PRCP: variants seen among roughly 807,000 people sequenced by gnomAD.
The protein encoded by PRCP is lysosomal Pro-X carboxypeptidase.
PRCP carries 46 observed loss-of-function variants against 54.2 expected under a neutral mutation model. That is an observed-to-expected ratio of 0.85 (90% CI 0.67 to 1.09). The LOEUF (loss-of-function observed/expected upper bound fraction) is 1.09, where lower values mean the gene tolerates loss of function less well. Among genes scored for constraint, PRCP ranks in the 50% least tolerant of loss-of-function variants. The pLI, the probability that PRCP is intolerant of heterozygous loss-of-function variation, is 0.00. For missense variants in PRCP, 613 were observed against 596.8 expected, an observed-to-expected ratio of 1.03 and a Z score of -0.28; for synonymous variants, 240 against 212.2, an observed-to-expected ratio of 1.13 and a Z score of -1.14.
At chr11:82,847,896 T>C (rs1209275550) in intron 6 of PRCP, among the ~76,000 whole-genome samples, 2 of 152,292 alleles carry the variant, frequency 1.3e-5, no homozygotes, top group East Asian at 3.9e-4. Flanking sequence ...GCCAGGCCTA[T>C]TGATTTAGGT....
intron 1 of PRCP, among the ~76,000 whole-genome samples, chr11:82,882,922 G>A (rs7107524): frequency 6.6e-6 from 1 of 151,610 alleles, no homozygotes; most frequent in Non-Finnish European, 1.5e-5. Flanking sequence ...CCTAAAGAAC[G>A]ATGATACTTC....
rs527289390 is a variant in PRCP, at chr11:82,873,355, TATAAC to T, written c.169-13243_169-13239del. Among the ~76,000 whole-genome samples the T allele has an allele frequency of 2.8e-4, 43 of 152,328 alleles. No homozygotes were observed. In the South Asian group the frequency reaches 4.8e-3, roughly 17 times the overall value. On this transcript the variant is annotated intron_variant, in intron 1 of 8. Coordinates refer to ENST00000313010, the MANE Select transcript of PRCP (RefSeq NM_005040.4). ...GCTGTAGTCACCACTATAGCCCACT[TATAAC>T]AGATTCTGCAGTGGCCCTGACTGTG...
chr11:82,845,823 T>C (rs962419125), intron 6 of PRCP: 4 of 152,246 alleles, frequency 2.6e-5, no homozygotes, highest in African/African-American at 9.6e-5. Context: ...AACAGTCAAA[T>C]GACAGAGGGG....
intron 6 of PRCP, among the ~76,000 whole-genome samples, chr11:82,842,462 C>T (rs902985357): frequency 3.3e-5 from 5 of 152,018 alleles, no homozygotes; most frequent in East Asian, 1.9e-4. Flanking sequence ...CGAAGGGCAC[C>T]GACCAACATT....
chr11:82,841,818 A>G (rs1858679574), intron 6 of PRCP, among the ~76,000 whole-genome samples: 1 of 152,212 alleles, frequency 6.6e-6, no homozygotes, highest in African/African-American at 2.4e-5. Flanking sequence ...CATTCCTAGG[A>G]AATATGTCAA....
At chr11:82,892,660 C>A (rs1860030571) in intron 1 of PRCP, among the ~76,000 whole-genome samples, 1 of 152,106 alleles carries the variant, frequency 6.6e-6, no homozygotes, top group African/African-American at 2.4e-5. Context: ...TTATCATGTG[C>A]TTTAATGTAC....
chr11:82,848,905 G>T, intron 6 of PRCP, 144 bp downstream of exon 6: 2 of 772,344 alleles, frequency 2.6e-6, no homozygotes, highest in Non-Finnish European at 4.0e-6. Context: ...TCAGAAAGTA[G>T]CAGAACCCAG....
chr11:82,861,256 A>T (rs1428532884), intron 1 of PRCP, among the ~76,000 whole-genome samples: 1 of 152,200 alleles, frequency 6.6e-6, no homozygotes, highest in African/African-American at 2.4e-5. Flanking sequence ...AATAAAGAAG[A>T]GCTGTGTTTA....
upstream of PRCP, chr11:82,900,549 G>A: frequency 8.7e-7 from 1 of 1,146,698 alleles, no homozygotes; most frequent in East Asian, 2.6e-5. Flanking sequence ...GCTCCTCAGA[G>A]ACGCCGCCCA....
chr11:82,874,509 G>T (rs1371369701), intron 1 of PRCP, among the ~76,000 whole-genome samples: 1 of 151,728 alleles, frequency 6.6e-6, no homozygotes, highest in Admixed American at 6.6e-5. Flanking sequence ...TGGGCAACAT[G>T]GCAAAACCCC....
intron 1 of PRCP, among the ~76,000 whole-genome samples, chr11:82,867,323 G>A (rs962099503): frequency 4.6e-5 from 7 of 152,170 alleles, no homozygotes; most frequent in Admixed American, 2.0e-4. Context: ...AAGAACTCCT[G>A]GGCCCAGAGG....
Position 82,825,123 on chromosome 11 carries a change from C to T in PRCP, c.1275-1G>A, listed in dbSNP as rs1858193522. 35 of 1,610,784 alleles carry T rather than the reference C, an allele frequency of 2.2e-5. No homozygotes were observed. The highest frequency in any genetic ancestry group is 3.0e-5 in the Non-Finnish European group (35 of 1,178,482). On this transcript the variant is annotated splice_acceptor_variant, in intron 8 of 8. Transcript: ENST00000313010. LOFTEE classifies it high-confidence loss of function. ...TGACCAGGGGTCTAGTTCACCATTG[C>T]TGCAAGTGAAAAAAAGAAGAAAAAA...
chr11:82,866,955 C>A (rs1357340482), intron 1 of PRCP, among the ~76,000 whole-genome samples: 1 of 152,136 alleles, frequency 6.6e-6, no homozygotes, highest in Non-Finnish European at 1.5e-5. Flanking sequence ...CTCCTGACCT[C>A]AAGTGATCCA....
Position 82,898,491 on chromosome 11 carries a change from C to T in PRCP, c.168+1744G>A, listed in dbSNP as rs573914211. ...CTCCCAATCCAATAGTCCTCCCCAC[C>T]GTTTTACTTTAGCAGTTGAGTTCTG... On this transcript the variant is annotated intron_variant, in intron 1 of 8. Coordinates refer to ENST00000313010, the MANE Select transcript of PRCP (RefSeq NM_005040.4). 3.5e-4 allele frequency among the ~76,000 whole-genome samples: 54 copies of T among 152,306 alleles called. 1 individual carries two copies. The South Asian group carries it at 9.9e-3, about 28-fold the overall frequency.
intron 6 of PRCP, chr11:82,839,978 T>C (rs1248424667): frequency 6.6e-6 from 1 of 152,464 alleles, no homozygotes; most frequent in Non-Finnish European, 1.5e-5. Context: ...CTTCACTCAC[T>C]TGATTTCAGA....
At chr11:82,872,073 GTTGT>G (rs753041958) in intron 1 of PRCP, among the ~76,000 whole-genome samples, 2 of 152,172 alleles carry the variant, frequency 1.3e-5, no homozygotes, top group Non-Finnish European at 2.9e-5. Flanking sequence ...ATGTGTCATA[GTTGT>G]TTATTATTCA....
At chr11:82,890,049 T>C (rs982958651) in intron 1 of PRCP, among the ~76,000 whole-genome samples, 1 of 151,640 alleles carries the variant, frequency 6.6e-6, no homozygotes, top group Non-Finnish European at 1.5e-5. Flanking sequence ...TCTCACCTTT[T>C]TGTTCTCACT....
intron 1 of PRCP, among the ~76,000 whole-genome samples, chr11:82,880,049 A>G (rs1859707341): frequency 6.6e-6 from 1 of 152,128 alleles, no homozygotes; most frequent in East Asian, 1.9e-4. Context: ...GAGAACCACT[A>G]CTCTCTTCAA....
rs758221645 is a variant in PRCP, at chr11:82,825,107, G to C, written c.1290C>G (p.Asp430Glu). ...TNIVFSNGEL[D>E]PWSGGGVTKD... is the part of the protein sequence containing the mutation. ...TAGTTACTCCACCTCCTGACCAGGG[G>C]TCTAGTTCACCATTGCTGCAAGTGA... Residue 430 changes from aspartate (D) to glutamate (E), a missense_variant, in exon 9 of 9, where the codon GAC becomes GAG. Physicochemically the swap from Asp to Glu is conservative, Grantham distance 45. Transcript: ENST00000313010. The C allele has an allele frequency of 6.2e-7, 1 of 1,613,566 alleles. No homozygotes were observed. The highest frequency in any genetic ancestry group is 8.5e-7 in the Non-Finnish European group (1 of 1,179,802).
Sources: gnomAD v4.1 joint callset for allele counts (sites outside exome capture counted in the v4.1 genomes callset) on GRCh38, gnomAD v4.1.1 for gene constraint, MANE v1.5 for transcripts, NCBI Gene and HGNC (gene_info 2026-07-23, HGNC 2026-07-21) for gene names.